The following ENTPD7 variants were observed in gnomAD, a reference collection of about 807,000 sequenced individuals.
ENTPD7 encodes the protein ectonucleoside triphosphate diphosphohydrolase 7, also known as NTPDase 7.
ENTPD7 carries 53 observed loss-of-function variants against 77.9 expected under a neutral mutation model. That is an observed-to-expected ratio of 0.68 (90% CI 0.55 to 0.85). The LOEUF is 0.85. Ranked by LOEUF, ENTPD7 falls within the 40% of genes least tolerant of loss-of-function variation. The pLI is 0.00. For synonymous variants in ENTPD7, 248 were observed against 274.9 expected, an observed-to-expected ratio of 0.90 and a Z score of 0.97; for missense variants, 636 against 743.7, an observed-to-expected ratio of 0.86 and a Z score of 1.68.
intron 5 of ENTPD7, among the ~76,000 whole-genome samples, chr10:99,685,220 G>A (rs2035797282): frequency 6.6e-6 from 1 of 152,192 alleles, no homozygotes. Context: ...TCATGCCATT[G>A]CACTCCAGCC....
rs1457668720 is a variant in ENTPD7 at position 99,710,231 on chromosome 10, G to A, written c.*5548G>A. 8 of 985,244 alleles carry A rather than the reference G, an allele frequency of 8.1e-6. No homozygotes were observed. The highest frequency in any genetic ancestry group is 1.1e-4 in the East Asian group (1 of 8,820). 61.0% of individuals were successfully genotyped at this position (985,244 alleles called of 1,614,324 possible). On this transcript the variant is annotated 3_prime_UTR_variant, in exon 13 of 13. Transcript: ENST00000370489. ...CATTTGGCCTGCTGCTGGTGAAGAC[G>A]CCCCTTACTAGCTTCATAAATGTTT...
Position 99,691,332 on chromosome 10 carries a change from C to A in ENTPD7, c.710-53C>A. Reference sequence around the variant, plus strand: ...AGGGATTGCTGTTTTGGGGGTTTGACTTAATTTTATTTTTTAATTACTAGG... The same window carrying A: ...AGGGATTGCTGTTTTGGGGGTTTGAATTAATTTTATTTTTTAATTACTAGG... On this transcript the variant is annotated intron_variant, in intron 7 of 12. Coordinates refer to ENST00000370489, the MANE Select transcript of ENTPD7 (RefSeq NM_020354.5). 4.4e-6 allele frequency: 7 copies of A among 1,577,606 alleles called. No homozygotes were observed. In the South Asian group the frequency reaches 8.0e-5, roughly 18 times the overall value.
intron 3 of ENTPD7, among the ~76,000 whole-genome samples, chr10:99,671,435 T>G (rs1254796903): frequency 4.6e-5 from 7 of 151,828 alleles, no homozygotes; most frequent in African/African-American, 1.7e-4. Flanking sequence ...AAAACTTATT[T>G]GTTAGAAATG....
intron 3 of ENTPD7, among the ~76,000 whole-genome samples, chr10:99,673,438 G>A (rs1014210389): frequency 6.6e-6 from 1 of 152,208 alleles, no homozygotes; most frequent in South Asian, 2.1e-4. Context: ...AACCTGATTA[G>A]GTCATAAGAG....
intron 10 of ENTPD7, among the ~76,000 whole-genome samples, chr10:99,699,480 T>C (rs780745686): frequency 4.5e-4 from 69 of 152,226 alleles, no homozygotes; most frequent in Non-Finnish European, 9.3e-4. Context: ...TTTCTATCAT[T>C]TTCTGCTTTA....
chr10:99,679,253 T>C lies in ENTPD7; in HGVS notation c.192-8T>C. On this transcript the variant is annotated splice_polypyrimidine_tract_variant and splice_region_variant and intron_variant, in intron 3 of 12. Coordinates refer to ENST00000370489, the MANE Select transcript of ENTPD7 (RefSeq NM_020354.5). ...CTTAGCACTGATTTCTCTTTTTGCCTGACTTAGGTATTTGGCTCGAGTAGG... is the reference window on the plus strand; with the variant it reads ...CTTAGCACTGATTTCTCTTTTTGCCCGACTTAGGTATTTGGCTCGAGTAGG... 6.2e-7 allele frequency: 1 copy of C among 1,613,648 alleles called. No homozygotes were observed. The highest frequency in any genetic ancestry group is 1.3e-5 in the African/African-American group (1 of 75,006).
chr10:99,700,453 C>CT (rs2036096751), intron 10 of ENTPD7, among the ~76,000 whole-genome samples: 1 of 149,182 alleles, frequency 6.7e-6, no homozygotes, highest in Admixed American at 6.7e-5. Flanking sequence ...TGTTTATTGT[C>CT]TGTCTCCTAC....
At chr10:99,697,219 A>G (rs1459098420) in intron 9 of ENTPD7, among the ~76,000 whole-genome samples, 1 of 152,214 alleles carries the variant, frequency 6.6e-6, no homozygotes, top group Non-Finnish European at 1.5e-5. Flanking sequence ...TGACTAATGC[A>G]TTAAAATCAA....
intron 3 of ENTPD7, among the ~76,000 whole-genome samples, chr10:99,666,033 C>T (rs1334713805): frequency 1.3e-5 from 2 of 152,116 alleles, no homozygotes; most frequent in African/African-American, 4.8e-5. Context: ...TATGGACTTC[C>T]ATGTAGGTTA....
At chr10:99,678,831 A>C (rs1265880079) in intron 3 of ENTPD7, among the ~76,000 whole-genome samples, 1 of 150,372 alleles carries the variant, frequency 6.7e-6, no homozygotes, top group African/African-American at 2.5e-5. Flanking sequence ...ATCATTCCAC[A>C]ATATTCTGGA....
Position 99,710,138 on chromosome 10 carries a change from C to A in ENTPD7, c.*5455C>A. Reference sequence around the variant, plus strand: ...ACTTGTATACCCTCTGGTGGCCACTCCTCCTTCTCCACTCCAAGGCAGCCC... The same window carrying A: ...ACTTGTATACCCTCTGGTGGCCACTACTCCTTCTCCACTCCAAGGCAGCCC... On this transcript the variant is annotated 3_prime_UTR_variant, in exon 13 of 13. Coordinates refer to ENST00000370489, the MANE Select transcript of ENTPD7 (RefSeq NM_020354.5). 1 of 985,396 alleles carries A rather than the reference C, an allele frequency of 1.0e-6. No homozygotes were observed. The highest frequency in any genetic ancestry group is 1.2e-6 in the Non-Finnish European group (1 of 829,918). The allele number at this position is 985,396 out of a possible 1,614,324, so 61.0% of individuals were successfully genotyped here. A position where few individuals can be genotyped will look rare whatever the true frequency, so the allele number is the denominator to read the frequency against.
intron 3 of ENTPD7, among the ~76,000 whole-genome samples, chr10:99,674,949 A>T (rs1013913789): frequency 6.6e-6 from 1 of 152,248 alleles, no homozygotes; most frequent in Non-Finnish European, 1.5e-5. Context: ...ATTCTATGTG[A>T]TGAAAGGGGA....
intron 5 of ENTPD7, among the ~76,000 whole-genome samples, chr10:99,680,895 A>G (rs558014845): frequency 9.2e-5 from 14 of 152,318 alleles, no homozygotes; most frequent in African/African-American, 3.4e-4. Flanking sequence ...TTTTAAGTAT[A>G]CAATACGTTA....
In ENTPD7 at chr10:99,706,118, GAAAAC is replaced by G. The variant is rs987940119; in HGVS notation, c.*1440_*1444del. 44 of 152,138 alleles carry G rather than the reference GAAAAC, an allele frequency of 2.9e-4. No individual in the cohort carries two copies. Among genetic ancestry groups the G allele is most frequent in the African/African-American group, 1.0e-3 (42 of 41,514 alleles). 9.4% of individuals were successfully genotyped at this position (152,138 alleles called of 1,614,324 possible). A position where few individuals can be genotyped will look rare whatever the true frequency, so the allele number is the denominator to read the frequency against. ...AGGGGAAAAAGTCCCTGGCTTTAAA[GAAAAC>G]AAAAGTAGAATTCTTCAAAAATAAA... On this transcript the variant is annotated 3_prime_UTR_variant, in exon 13 of 13. Coordinates refer to ENST00000370489, the MANE Select transcript of ENTPD7 (RefSeq NM_020354.5).
chr10:99,702,774 G>A (rs1406414957), intron 12 of ENTPD7, 101 bp downstream of exon 12: 1 of 1,115,322 alleles, frequency 9.0e-7, no homozygotes, highest in Admixed American at 3.7e-5. Flanking sequence ...GCTTAGAATA[G>A]GTCTTAAGTG....
At position 99,709,850 on chromosome 10, in the gene ENTPD7, G is replaced by A. The variant is rs12241912; in HGVS notation, c.*5167G>A. 8.7e-4 allele frequency: 858 copies of A among 985,304 alleles called. 3 individuals are homozygous for A. In the African/African-American group the frequency reaches 0.012, roughly 14 times the overall value. The allele number at this position is 985,304 out of a possible 1,614,324, so 61.0% of individuals were successfully genotyped here. ...GTCAGTACCGTTATCAGAGGGACGAGGAAGGAATAACACACCAGTTGACCA... is the reference window on the plus strand; with the variant it reads ...GTCAGTACCGTTATCAGAGGGACGAAGAAGGAATAACACACCAGTTGACCA... On this transcript the variant is annotated 3_prime_UTR_variant, in exon 13 of 13. Transcript: ENST00000370489.
In ENTPD7 at chr10:99,704,663, G is replaced by A. The variant is rs1184961124; in HGVS notation, c.1795G>A (p.Gly599Arg). 1.2e-6 allele frequency: 2 copies of A among 1,613,902 alleles called. No homozygotes were observed. The highest frequency in any genetic ancestry group is 1.7e-6 in the Non-Finnish European group (2 of 1,179,938). Residue 599 changes from glycine (G) to arginine (R), a missense_variant, in exon 13 of 13, where the codon GGA (glycine) becomes AGA (arginine). By Grantham distance (125) the Gly-to-Arg change is moderately radical (BLOSUM62 -2). This residue lies in a region of ENTPD7 where 138 missense variants were observed against 150.9 expected (regional missense o/e 0.91). Coordinates refer to ENST00000370489, the MANE Select transcript of ENTPD7 (RefSeq NM_020354.5). ...LWLEEVVPMM[G>R]VQVGP is the part of the protein sequence containing the mutation. ...GCTTGAAGAGGTGGTGCCCATGATG[G>A]GAGTACAGGTGGGGCCGTGAGGCTG...
chr10:99,674,156 G>A (rs1485787489), intron 3 of ENTPD7, among the ~76,000 whole-genome samples: 1 of 152,142 alleles, frequency 6.6e-6, no homozygotes, highest in Non-Finnish European at 1.5e-5. Flanking sequence ...GGAAGGAGTA[G>A]GTAGAGAAGC....
intron 3 of ENTPD7, among the ~76,000 whole-genome samples, chr10:99,670,095 G>A (rs1239223043): frequency 6.6e-6 from 1 of 152,068 alleles, no homozygotes; most frequent in East Asian, 1.9e-4. Flanking sequence ...TGCCACATAA[G>A]ACATGCTCCA....
Sources: gnomAD v4.1 joint callset for allele counts (sites outside exome capture counted in the v4.1 genomes callset) on GRCh38, gnomAD v4.1.1 for gene constraint, gnomAD v4.1.1 regional missense constraint, MANE v1.5 for transcripts, NCBI Gene and HGNC (gene_info 2026-07-23, HGNC 2026-07-21) for gene names.